The following CNTNAP1 variants were observed in gnomAD, a reference collection of about 807,000 sequenced individuals.
The protein encoded by CNTNAP1 is contactin associated protein 1.
Under a neutral mutation model 161.5 loss-of-function variants are expected in CNTNAP1, and 80 were observed. That is an observed-to-expected ratio of 0.50 (90% CI 0.41 to 0.60). The LOEUF (loss-of-function observed/expected upper bound fraction) is 0.60. Among genes scored for constraint, CNTNAP1 ranks in the 20% least tolerant of loss-of-function variants. The probability of loss-of-function intolerance (pLI) is 0.00; values close to 1 mark genes in which losing one functional copy is unlikely to be tolerated. For missense variants in CNTNAP1, 1,464 were observed against 1,854.8 expected, an observed-to-expected ratio of 0.79 and a Z score of 3.87; for synonymous variants, 695 against 733.1, an observed-to-expected ratio of 0.95 and a Z score of 0.84.
chr17:42,697,559 G>A lies in CNTNAP1; in HGVS notation c.3574G>A (p.Gly1192Arg), dbSNP rs1329494392. ...TGGGCCTGCCTCTCTCTCAGAGACA[G>A]GAGTCATTGACCCGGAGATCCAGCG... Reference protein sequence around the residue: ...ALYLGRVMETGVIDPEIQRYN... With the variant: ...ALYLGRVMETRVIDPEIQRYN... Residue 1192 changes from glycine to arginine, a missense_variant, in exon 22 of 24, where the codon GGA becomes AGA. By Grantham distance (125) the Gly-to-Arg change is moderately radical. This residue lies in a region of CNTNAP1 where 1,383 missense variants were observed against 1,765.0 expected (regional missense o/e 0.78). Coordinates refer to ENST00000264638, the MANE Select transcript of CNTNAP1 (RefSeq NM_003632.3). 6.2e-7 allele frequency: 1 copy of A among 1,614,010 alleles called. No individual in the cohort carries two copies. The highest frequency in any genetic ancestry group is 2.2e-5 in the East Asian group (1 of 44,890).
At chr17:42,693,557 G>A in intron 18 of CNTNAP1, 21 bp downstream of exon 18, 1 of 1,608,384 alleles carries the variant, frequency 6.2e-7, no homozygotes, top group Admixed American at 1.7e-5. Context: ...CTGGTTATGG[G>A]GCAACAGGGA....
intron 1 of CNTNAP1, chr17:42,683,473 C>T (rs1316574376): frequency 1.8e-6 from 2 of 1,141,218 alleles, no homozygotes. Flanking sequence ...AGGGTTGGAG[C>T]TGGATTGGTG....
chr17:42,695,979 G>A (rs756199124), intron 19 of CNTNAP1, 46 bp from the exon 20 acceptor site: 1 of 1,608,226 alleles, frequency 6.2e-7, no homozygotes, highest in South Asian at 1.1e-5. Context: ...TAGAAGATAG[G>A]AGTCATGGGG....
chr17:42,688,085 G>A, intron 8 of CNTNAP1, 104 bp downstream of exon 8: 2 of 1,477,042 alleles, frequency 1.4e-6, no homozygotes, highest in South Asian at 1.4e-5. Flanking sequence ...AGAGGGGAGA[G>A]GAGTGAAGGG....
At position 42,698,445 on chromosome 17, in the gene CNTNAP1, ATGTGTGTGTGTGTGTG is replaced by A. The variant is rs71276881; in HGVS notation, c.3863-152_3863-137del. On this transcript the variant is annotated intron_variant, in intron 23 of 23. Transcript: ENST00000264638. Reference sequence around the variant, plus strand: ...ACATTATGCTTTTGGCCAAAAGTAAATGTGTGTGTGTGTGTGTGTGTGTGTGTGTGTGTGTGCAGGT... The same window carrying A: ...ACATTATGCTTTTGGCCAAAAGTAAATGTGTGTGTGTGTGTGTGTGCAGGT... 2.2e-5 allele frequency among the ~76,000 whole-genome samples: 3 copies of A among 139,482 alleles called. No individual in the cohort carries two copies. The Admixed American group carries it at 2.2e-4, about 10-fold the overall frequency. The allele number at this position is 139,482 out of a possible 152,430, so 91.5% of individuals were successfully genotyped here. A position where few individuals can be genotyped will look rare whatever the true frequency, so the allele number is the denominator to read the frequency against.
Position 42,690,068 on chromosome 17 carries a change from C to G in CNTNAP1, c.1736-20C>G, listed in dbSNP as rs745962629. The G allele has an allele frequency of 1.2e-6, 2 of 1,609,376 alleles. No individual in the cohort carries two copies. Among genetic ancestry groups the G allele is most frequent in the Non-Finnish European group, 1.7e-6 (2 of 1,176,934 alleles). On this transcript the variant is annotated intron_variant, in intron 11 of 23. Coordinates refer to ENST00000264638, the MANE Select transcript of CNTNAP1 (RefSeq NM_003632.3). ...CCTCTAACTCTCTAACTGCCTTTGT[C>G]TCAACCTATTATCTGCCAGCTTTGT...
rs773551154 is a variant in CNTNAP1 at position 42,698,863 on chromosome 17, C to A, written c.4108C>A (p.Arg1370=). The change falls in exon 24 of 24, where the codon CGG becomes AGG. Residue 1370 remains arginine (R), a synonymous_variant. Transcript: ENST00000264638. The stretch of plus-strand genomic sequence containing the variant: ...AACTCCAGCCCCAGCCCCTGGCCCC[C>A]GGGATCAGAACCTACCCCAGATCCT... ...APTPAPAPGP[R]DQNLPQILEE... The A allele has an allele frequency of 6.3e-7, 1 of 1,585,460 alleles. No homozygotes were observed. Among genetic ancestry groups the A allele is most frequent in the Non-Finnish European group, 8.5e-7 (1 of 1,171,916 alleles).
chr17:42,686,874 A>G (rs903839701), intron 6 of CNTNAP1, 29 bp from the exon 7 acceptor site: 4 of 1,578,422 alleles, frequency 2.5e-6, no homozygotes, highest in Admixed American at 3.5e-5. Flanking sequence ...CCTGTGCCCA[A>G]GAGGCCTCAT....
chr17:42,692,886 C>T (rs1408116486), intron 17 of CNTNAP1, among the ~76,000 whole-genome samples, 166 bp downstream of exon 17: 1 of 152,170 alleles, frequency 6.6e-6, no homozygotes, highest in Non-Finnish European at 1.5e-5. Flanking sequence ...CTATTCTATT[C>T]TTCCAGCCCT....
intron 18 of CNTNAP1, among the ~76,000 whole-genome samples, chr17:42,694,677 A>G (rs1238799397): frequency 6.6e-6 from 1 of 151,224 alleles, no homozygotes; most frequent in Non-Finnish European, 1.5e-5. Context: ...CACCATCACC[A>G]TGGTAACACA....
At chr17:42,682,988 G>A in intron 1 of CNTNAP1, 92 bp downstream of exon 1, 3 of 1,249,040 alleles carry the variant, frequency 2.4e-6, no homozygotes, top group Non-Finnish European at 3.3e-6. Context: ...GGGTGGTCGC[G>A]GGTCCTTCCC....
intron 18 of CNTNAP1, among the ~76,000 whole-genome samples, chr17:42,694,964 G>A (rs558553612): frequency 6.6e-6 from 1 of 152,180 alleles, no homozygotes; most frequent in East Asian, 1.9e-4. Context: ...TATACTACAT[G>A]GGGTCAGGAT....
chr17:42,698,494 CAA>C (rs2053180600), intron 23 of CNTNAP1, 122 bp from the exon 24 acceptor site: 1 of 737,640 alleles, frequency 1.4e-6, no homozygotes, highest in Non-Finnish European at 2.1e-6. Flanking sequence ...GGTGAAATCC[CAA>C]AGTGTGTGTA....
Position 42,688,923 on chromosome 17 carries a change from G to A in CNTNAP1, c.1504G>A (p.Ala502Thr). Reference sequence around the variant, plus strand: ...ATGGGACTGCCACTCCAACCAGACGGCATTCCATGGCTGCATGGAGCTGCT... The same window carrying A: ...ATGGGACTGCCACTCCAACCAGACGACATTCCATGGCTGCATGGAGCTGCT... ...SRWDCHSNQTAFHGCMELLKV... is the reference protein window; with the variant it reads ...SRWDCHSNQTTFHGCMELLKV... Residue 502 changes from alanine to threonine, a missense_variant, in exon 10 of 24, where the codon GCA (alanine) becomes ACA (threonine). Physicochemically the swap from Ala to Thr is moderately conservative, Grantham distance 58 (BLOSUM62 0). This residue lies in a region of CNTNAP1 where 1,383 missense variants were observed against 1,765.0 expected (regional missense o/e 0.78). Coordinates refer to ENST00000264638, the MANE Select transcript of CNTNAP1 (RefSeq NM_003632.3). The A allele has an allele frequency of 6.2e-7, 1 of 1,614,094 alleles. No individual in the cohort carries two copies. Among genetic ancestry groups the A allele is most frequent in the Non-Finnish European group, 8.5e-7 (1 of 1,180,014 alleles).
At position 42,686,895 on chromosome 17, in the gene CNTNAP1, T is replaced by C; in HGVS notation, c.901-8T>C. 6.3e-7 allele frequency: 1 copy of C among 1,593,964 alleles called. No individual in the cohort carries two copies. The highest frequency in any genetic ancestry group is 8.6e-7 in the Non-Finnish European group (1 of 1,164,974). On this transcript the variant is annotated splice_region_variant and splice_polypyrimidine_tract_variant and intron_variant, in intron 6 of 23. Coordinates refer to ENST00000264638, the MANE Select transcript of CNTNAP1 (RefSeq NM_003632.3). Reference sequence around the variant, plus strand: ...CCCAAGAGGCCTCATTCCCCACGCCTCCCGCAGATGTTCATCGGAGGTCTG... The same window carrying C: ...CCCAAGAGGCCTCATTCCCCACGCCCCCCGCAGATGTTCATCGGAGGTCTG...
At chr17:42,696,304 G>T in intron 20 of CNTNAP1, 152 bp downstream of exon 20, 1 of 966,460 alleles carries the variant, frequency 1.0e-6, no homozygotes, top group Admixed American at 3.2e-5. Flanking sequence ...CCTCACAATA[G>T]CTCCAAGGGG....
Position 42,697,648 on chromosome 17 carries a change from C to G in CNTNAP1, c.3663C>G (p.Leu1221=), listed in dbSNP as rs759292791. The change falls in exon 22 of 24, where the codon CTC becomes CTG. Residue 1221 remains leucine (L), a synonymous_variant. Coordinates refer to ENST00000264638, the MANE Select transcript of CNTNAP1 (RefSeq NM_003632.3). Reference sequence around the variant, plus strand: ...TTCGATTCAACAACGTGGCTCCCCTCAAGACCCACTTCCGAACCCCTCGAC... The same window carrying G: ...TTCGATTCAACAACGTGGCTCCCCTGAAGACCCACTTCCGAACCCCTCGAC... ...SGVRFNNVAP[L]KTHFRTPRPM... is the part of the protein sequence containing the mutation. 79 of 1,614,040 alleles carry G rather than the reference C, an allele frequency of 4.9e-5. No individual in the cohort carries two copies. The highest frequency in any genetic ancestry group is 6.4e-5 in the Non-Finnish European group (76 of 1,180,028).
At position 42,684,232 on chromosome 17, in the gene CNTNAP1, A is replaced by G; in HGVS notation, c.363+3A>G. Reference sequence around the variant, plus strand: ...TCTACCAGCGAGGGCACAACTCGGTACTCTGGGCGCCAAGGCGGTAACACT... The same window carrying G: ...TCTACCAGCGAGGGCACAACTCGGTGCTCTGGGCGCCAAGGCGGTAACACT... On this transcript the variant is annotated splice_donor_region_variant and intron_variant, in intron 3 of 23. Coordinates refer to ENST00000264638, the MANE Select transcript of CNTNAP1 (RefSeq NM_003632.3). The G allele has an allele frequency of 1.2e-6, 2 of 1,609,982 alleles. No homozygotes were observed. The highest frequency in any genetic ancestry group is 8.5e-7 in the Non-Finnish European group (1 of 1,177,176).
chr17:42,685,172 A>G lies in CNTNAP1; in HGVS notation c.511+34A>G. 3 of 1,609,670 alleles carry G rather than the reference A, an allele frequency of 1.9e-6. No individual in the cohort carries two copies. Among genetic ancestry groups the G allele is most frequent in the Non-Finnish European group, 2.5e-6 (3 of 1,177,470 alleles). ...GCAGAGAGCGCGGAGGGGGCCTGGG[A>G]GACAGCCTCCCCAGTTCCCGGCCCA... On this transcript the variant is annotated intron_variant, in intron 4 of 23. Coordinates refer to ENST00000264638, the MANE Select transcript of CNTNAP1 (RefSeq NM_003632.3). The surrounding 1 kb of genome is among the most constrained non-coding windows in gnomAD (Gnocchi z 5.0).
Sources: allele counts gnomAD v4.1 joint callset (sites outside exome capture counted in the v4.1 genomes callset), GRCh38; gene constraint gnomAD v4.1.1; regional missense constraint gnomAD v4.1.1; non-coding constraint Gnocchi (gnomAD v3.1); transcripts MANE v1.5; gene names NCBI Gene and HGNC (gene_info 2026-07-23, HGNC 2026-07-21).